RBP7: variants seen among roughly 807,000 people sequenced by gnomAD.
The protein encoded by RBP7 is retinol binding protein 7.
A neutral mutation model predicts 16.7 loss-of-function variants in RBP7; 13 were observed. The observed-to-expected ratio is 0.78, with a 90% CI of 0.51 to 1.24. The LOEUF (loss-of-function observed/expected upper bound fraction) is 1.24, where lower values mean the gene tolerates loss of function less well. Among genes scored for constraint, RBP7 ranks in the 50% most tolerant of loss-of-function variants. RBP7 has a pLI of 0.00. For missense variants in RBP7, 145 were observed against 159.5 expected (o/e 0.91, Z 0.49); for synonymous variants, 54 against 56.2 (o/e 0.96, Z 0.17).
intron 1 of RBP7, among the ~76,000 whole-genome samples, chr1:9,998,402 T>TCTTTCTTC (rs1345311788): frequency 1.6e-5 from 2 of 122,354 alleles, no homozygotes; most frequent in Non-Finnish European, 3.2e-5. Context: ...TTTCTTTCTT[T>TCTTTCTTC]CTTTCTTTTT....
chr1:10,007,681 T>C lies in RBP7; in HGVS notation c.185T>C (p.Phe62Ser). The stretch of plus-strand genomic sequence containing the variant: ...ACGAACAGCAGCCTAAGGAACTACT[T>C]TGTGAAATTTAAAGTTGGAGAAGAA... ...IHTNSSLRNY[F>S]VKFKVGEEFD... is the part of the protein sequence containing the mutation. Residue 62 changes from phenylalanine (F) to serine (S), a missense_variant, in exon 2 of 4, where the codon TTT becomes TCT. Physicochemically the swap from Phe to Ser is radical, Grantham distance 155 (BLOSUM62 -2). Coordinates refer to ENST00000294435, the MANE Select transcript of RBP7 (RefSeq NM_052960.3). 2 of 1,613,892 alleles carry C rather than the reference T, an allele frequency of 1.2e-6. No homozygotes were observed. The highest frequency in any genetic ancestry group is 1.7e-6 in the Non-Finnish European group (2 of 1,179,962).
chr1:10,013,838 T>A (rs1459054132), intron 3 of RBP7, among the ~76,000 whole-genome samples: 4 of 151,710 alleles, frequency 2.6e-5, no homozygotes, highest in Admixed American at 6.6e-5. Flanking sequence ...TAGCTGGGCA[T>A]GGTGATGGGT....
At chr1:10,009,725 T>G (rs1642563973) in intron 3 of RBP7, among the ~76,000 whole-genome samples, 1 of 149,642 alleles carries the variant, frequency 6.7e-6, no homozygotes, top group South Asian at 2.2e-4. Flanking sequence ...AGAAACGGGA[T>G]TTTACCATAT....
intron 2 of RBP7, 85 bp from the exon 3 acceptor site, chr1:10,008,082 GTTGATT>G (rs1642499991): frequency 2.5e-6 from 2 of 802,278 alleles, no homozygotes; most frequent in Non-Finnish European, 4.2e-6. Context: ...TAAGTAGGCT[GTTGATT>G]TTGCAAGGGT....
At chr1:9,998,470 C>A (rs571145280) in intron 1 of RBP7, among the ~76,000 whole-genome samples, 3 of 135,292 alleles carry the variant, frequency 2.2e-5, no homozygotes, top group Admixed American at 1.6e-4. Context: ...TGCAGTAGTA[C>A]GATCTCGGCT....
At chr1:10,012,389 A>G (rs1642649522) in intron 3 of RBP7, among the ~76,000 whole-genome samples, 2 of 151,942 alleles carry the variant, frequency 1.3e-5, no homozygotes, top group African/African-American at 2.4e-5. Context: ...TCCAAAAAAA[A>G]AAACAAAGTA....
At chr1:10,012,211 CAAAAAAAAA>C (rs35228920) in intron 3 of RBP7, among the ~76,000 whole-genome samples, 3 of 50,744 alleles carry the variant, frequency 5.9e-5, no homozygotes, top group Admixed American at 5.0e-4. Flanking sequence ...AACTCCATCT[CAAAAAAAAA>C]AAAAAAAAAA....
chr1:10,006,697 A>G (rs1292183556), intron 1 of RBP7, among the ~76,000 whole-genome samples: 2 of 144,780 alleles, frequency 1.4e-5, no homozygotes, highest in Non-Finnish European at 3.0e-5. Context: ...TGTGTCTCGG[A>G]AAAAAAAAAA....
intron 3 of RBP7, among the ~76,000 whole-genome samples, chr1:10,011,927 C>A (rs1292939864): frequency 6.6e-6 from 1 of 151,524 alleles, no homozygotes; most frequent in Non-Finnish European, 1.5e-5. Flanking sequence ...CGGAGCCGGG[C>A]GCAGTGGCTC....
At chr1:10,011,097 G>A (rs1282177420) in intron 3 of RBP7, among the ~76,000 whole-genome samples, 1 of 152,152 alleles carries the variant, frequency 6.6e-6, no homozygotes, top group Non-Finnish European at 1.5e-5. Context: ...ACAGGAATTT[G>A]ATTAGTTACC....
chr1:9,997,361 G>A lies in RBP7; in HGVS notation c.73+30G>A, dbSNP rs763409396. 1.2e-5 allele frequency: 19 copies of A among 1,603,328 alleles called. No individual in the cohort carries two copies. Among genetic ancestry groups the A allele is most frequent in the Non-Finnish European group, 1.5e-5 (18 of 1,174,184 alleles). ...GGCGGAGGGGAGGCGGCGGCGGCGC[G>A]AGGCTCGCCGTGGGTCTCGGGATCA... On this transcript the variant is annotated intron_variant, in intron 1 of 3. Transcript: ENST00000294435. The surrounding 1 kb of genome is among the most constrained non-coding windows in gnomAD (Gnocchi z 5.9).
chr1:10,004,094 T>C (rs1570730722), intron 1 of RBP7: 1 of 119,516 alleles, frequency 8.4e-6, no homozygotes, highest in Non-Finnish European at 1.7e-5. Context: ...TTTTTTTAGA[T>C]GGAGTTTTGC....
intron 3 of RBP7, among the ~76,000 whole-genome samples, chr1:10,011,770 G>T (rs1269924250): frequency 1.3e-5 from 2 of 152,124 alleles, no homozygotes; most frequent in East Asian, 3.9e-4. Context: ...AAAGTAAGAG[G>T]TCAGGCATGG....
At chr1:10,000,843 C>T (rs1307178487) in intron 1 of RBP7, among the ~76,000 whole-genome samples, 3 of 151,896 alleles carry the variant, frequency 2.0e-5, no homozygotes, top group Non-Finnish European at 4.4e-5. Context: ...TCAAGCAATT[C>T]TCCTGCTTCA....
chr1:10,014,276 T>C (rs953100363), intron 3 of RBP7, among the ~76,000 whole-genome samples: 4 of 152,162 alleles, frequency 2.6e-5, no homozygotes, highest in African/African-American at 9.6e-5. Flanking sequence ...TGAACATTCA[T>C]GTGTGTGGTG....
chr1:9,999,266 G>T (rs943286699), intron 1 of RBP7, among the ~76,000 whole-genome samples: 3 of 152,108 alleles, frequency 2.0e-5, no homozygotes, highest in African/African-American at 7.2e-5. Flanking sequence ...ACCCACTCTT[G>T]CCAGGCTCGG....
intron 1 of RBP7, among the ~76,000 whole-genome samples, chr1:10,001,963 G>A (rs1307124894): frequency 1.3e-5 from 2 of 152,020 alleles, no homozygotes; most frequent in African/African-American, 2.4e-5. Flanking sequence ...CAAGTAGCTG[G>A]GATTACAGGC....
intron 1 of RBP7, among the ~76,000 whole-genome samples, chr1:10,002,961 T>C (rs1475060721): frequency 6.6e-6 from 1 of 152,120 alleles, no homozygotes; most frequent in Non-Finnish European, 1.5e-5. Context: ...CGGACCAAAC[T>C]GAGGACTAAC....
chr1:10,002,547 T>G (rs1642307180), intron 1 of RBP7, among the ~76,000 whole-genome samples: 1 of 152,112 alleles, frequency 6.6e-6, no homozygotes, highest in Non-Finnish European at 1.5e-5. Context: ...TTGCCCAGGC[T>G]GGAGTGTAGT....
Sources: gnomAD v4.1 joint callset for allele counts (sites outside exome capture counted in the v4.1 genomes callset) on GRCh38, gnomAD v4.1.1 for gene constraint, Gnocchi (gnomAD v3.1) non-coding constraint, MANE v1.5 for transcripts, NCBI Gene and HGNC (gene_info 2026-07-23, HGNC 2026-07-21) for gene names.